RIMS2: variants seen among roughly 807,000 people sequenced by gnomAD.
The protein encoded by RIMS2 is regulating synaptic membrane exocytosis protein 2.
Under a neutral mutation model 174.4 loss-of-function variants are expected in RIMS2, and 59 were observed. That is an observed-to-expected ratio of 0.34 (90% CI 0.27 to 0.42). The LOEUF (loss-of-function observed/expected upper bound fraction) is 0.42. Among genes scored for constraint, RIMS2 ranks in the 10% least tolerant of loss-of-function variants. The pLI is 1.00. For synonymous variants in RIMS2, 606 were observed against 572.5 expected (o/e 1.06, Z -0.84); for missense variants, 1,620 against 1,666.3 (o/e 0.97, Z 0.48).
intron 3 of RIMS2, among the ~76,000 whole-genome samples, chr8:103,807,292 G>A (rs1254391368): frequency 6.6e-6 from 1 of 152,032 alleles, no homozygotes; most frequent in Non-Finnish European, 1.5e-5. Context: ...TAAAAGTCAT[G>A]GATAGCATTA....
chr8:103,619,072 T>G (rs908509682), intron 1 of RIMS2, among the ~76,000 whole-genome samples: 1 of 140,914 alleles, frequency 7.1e-6, no homozygotes, highest in Non-Finnish European at 1.5e-5. Flanking sequence ...ATTACATGAG[T>G]CAATAACTTC....
intron 19 of RIMS2, among the ~76,000 whole-genome samples, chr8:104,059,367 G>T (rs2096934500): frequency 6.6e-6 from 1 of 150,860 alleles, no homozygotes; most frequent in Middle Eastern, 3.4e-3. Flanking sequence ...TTGGCTCTCT[G>T]TTTGTCTGTT....
intron 1 of RIMS2, among the ~76,000 whole-genome samples, chr8:103,644,070 T>C (rs1168230977): frequency 6.6e-6 from 1 of 152,014 alleles, no homozygotes; most frequent in Non-Finnish European, 1.5e-5. Flanking sequence ...TTCTCTGATT[T>C]TCACCGAGAG....
chr8:103,672,768 C>G (rs969306087), intron 1 of RIMS2, among the ~76,000 whole-genome samples: 2 of 152,056 alleles, frequency 1.3e-5, no homozygotes, highest in Non-Finnish European at 2.9e-5. Flanking sequence ...CATCCCTTGT[C>G]CCTCCCAAAT....
intron 19 of RIMS2, among the ~76,000 whole-genome samples, chr8:104,212,583 TG>T (rs2099110194): frequency 6.6e-6 from 1 of 152,202 alleles, no homozygotes; most frequent in Non-Finnish European, 1.5e-5. Context: ...TTTTTGTTGT[TG>T]TTTTACTCTT....
chr8:103,672,006 T>A (rs1188052695), intron 1 of RIMS2, among the ~76,000 whole-genome samples: 3 of 152,182 alleles, frequency 2.0e-5, no homozygotes, highest in East Asian at 1.9e-4. Context: ...TGAAGTTTGA[T>A]TTTGGGAAAC....
At chr8:104,237,446 G>A (rs1384046288) in intron 19 of RIMS2, among the ~76,000 whole-genome samples, 1 of 152,112 alleles carries the variant, frequency 6.6e-6, no homozygotes, top group Non-Finnish European at 1.5e-5. Flanking sequence ...TACATCAGCT[G>A]CTAAATCTTC....
intron 1 of RIMS2, among the ~76,000 whole-genome samples, chr8:103,510,868 A>G (rs966196433): frequency 2.0e-5 from 3 of 152,178 alleles, no homozygotes; most frequent in African/African-American, 7.2e-5. Context: ...ATTAGGACAG[A>G]ACATCTTTGG....
At chr8:103,771,296 T>G (rs2098250875) in intron 3 of RIMS2, among the ~76,000 whole-genome samples, 1 of 152,182 alleles carries the variant, frequency 6.6e-6, no homozygotes, top group South Asian at 2.1e-4. Flanking sequence ...AAAACTGGAT[T>G]TTTTTCTGGT....
At chr8:103,918,160 A>T (rs922085542) in intron 8 of RIMS2, among the ~76,000 whole-genome samples, 2 of 152,152 alleles carry the variant, frequency 1.3e-5, no homozygotes, top group Non-Finnish European at 2.9e-5. Context: ...ATAATGGGTA[A>T]TTGTGTAGTG....
chr8:103,864,781 T>A (rs12680651), intron 3 of RIMS2, among the ~76,000 whole-genome samples: 23,962 of 152,076 alleles, frequency 0.16, 1,993 homozygotes, highest in Middle Eastern at 0.24. Flanking sequence ...AGTCATAGAG[T>A]TAGAGCACTA....
chr8:103,541,757 T>C (rs1842699362), intron 1 of RIMS2, among the ~76,000 whole-genome samples: 1 of 152,192 alleles, frequency 6.6e-6, no homozygotes, highest in Non-Finnish European at 1.5e-5. Context: ...TTAAGGGATA[T>C]ACAATGCAAA....
At chr8:103,721,663 CT>C (rs2097450585) in intron 2 of RIMS2, among the ~76,000 whole-genome samples, 1 of 152,136 alleles carries the variant, frequency 6.6e-6, no homozygotes, top group Admixed American at 6.5e-5. Flanking sequence ...ACTTTTTTAT[CT>C]TTTAGATAAC....
At chr8:103,983,999 C>A (rs920477288) in intron 16 of RIMS2, among the ~76,000 whole-genome samples, 1 of 151,974 alleles carries the variant, frequency 6.6e-6, no homozygotes, top group Non-Finnish European at 1.5e-5. Flanking sequence ...CGGTGAAACC[C>A]CGTCTCTACT....
chr8:103,911,434 T>C (rs2075648656), intron 5 of RIMS2, among the ~76,000 whole-genome samples: 1 of 152,152 alleles, frequency 6.6e-6, no homozygotes, highest in African/African-American at 2.4e-5. Context: ...AAATGAGAAC[T>C]GTAATCTATT....
chr8:103,524,046 A>G (rs1832877729), intron 1 of RIMS2, among the ~76,000 whole-genome samples: 1 of 152,200 alleles, frequency 6.6e-6, no homozygotes, highest in South Asian at 2.1e-4. Context: ...TGTAATTGTA[A>G]TAAAAATTGG....
intron 19 of RIMS2, among the ~76,000 whole-genome samples, chr8:104,049,189 G>T (rs868397530): frequency 2.3e-4 from 34 of 150,746 alleles, no homozygotes; most frequent in African/African-American, 8.3e-4. Flanking sequence ...TTGGGAGGCC[G>T]AGGCGGGTGG....
chr8:103,680,723 G>A (rs569825909), intron 1 of RIMS2, among the ~76,000 whole-genome samples: 2 of 152,040 alleles, frequency 1.3e-5, no homozygotes, highest in East Asian at 3.9e-4. Context: ...CATCGGAAGG[G>A]CAGTCAAATT....
intron 3 of RIMS2, among the ~76,000 whole-genome samples, chr8:103,830,765 T>C (rs1412446780): frequency 6.6e-6 from 1 of 152,240 alleles, no homozygotes; most frequent in East Asian, 1.9e-4. Context: ...TTTTGCTCTA[T>C]GTGCCTTAAA....
Sources: allele counts gnomAD v4.1 joint callset (sites outside exome capture counted in the v4.1 genomes callset), GRCh38; gene constraint gnomAD v4.1.1; transcripts MANE v1.5; gene names NCBI Gene and HGNC (gene_info 2026-07-23, HGNC 2026-07-21).